Variants in EFHC1 observed in about 807,000 individuals in gnomAD.
EFHC1 encodes the protein EF-hand domain-containing protein 1.
A neutral mutation model predicts 69.9 loss-of-function variants in EFHC1; 53 were observed. That is an observed-to-expected ratio of 0.76 (90% CI 0.61 to 0.95). The LOEUF is 0.95. Among genes scored for constraint, EFHC1 ranks in the 40% least tolerant of loss-of-function variants. The pLI, the probability that EFHC1 is intolerant of heterozygous loss-of-function variation, is 0.00. For missense variants in EFHC1, 739 were observed against 798.7 expected (o/e 0.93, Z 0.90); for synonymous variants, 256 against 278.4 (o/e 0.92, Z 0.80).
chr6:52,492,234 G>T (rs1301699000), intron 10 of EFHC1, 36 bp from the exon 11 acceptor site: 2 of 1,596,422 alleles, frequency 1.3e-6, no homozygotes, highest in Non-Finnish European at 1.7e-6. Flanking sequence ...AAGCCCTGCA[G>T]ATCTGTCTCA....
At chr6:52,476,338 T>C (rs965107860) in intron 7 of EFHC1, among the ~76,000 whole-genome samples, 13 of 152,184 alleles carry the variant, frequency 8.5e-5, no homozygotes, top group African/African-American at 3.1e-4. Flanking sequence ...AGTTAATTAA[T>C]GTAAAAGAAA....
At chr6:52,442,252 C>T (rs1445221715) in intron 3 of EFHC1, among the ~76,000 whole-genome samples, 1 of 151,966 alleles carries the variant, frequency 6.6e-6, no homozygotes, top group Non-Finnish European at 1.5e-5. Context: ...ATAGATGGCT[C>T]TGATTATTTT....
chr6:52,471,534 G>T (rs1287278808), intron 7 of EFHC1, among the ~76,000 whole-genome samples: 2 of 152,130 alleles, frequency 1.3e-5, no homozygotes, highest in Non-Finnish European at 2.9e-5. Context: ...AGAGACAATA[G>T]AATATACTTA....
intron 5 of EFHC1, among the ~76,000 whole-genome samples, chr6:52,460,062 A>G (rs1581834982): frequency 6.6e-6 from 1 of 150,594 alleles, no homozygotes; most frequent in Non-Finnish European, 1.5e-5. Context: ...AAAGGAAAAC[A>G]TATGTCCACA....
At chr6:52,429,464 TTA>T (rs1431954734) in intron 2 of EFHC1, among the ~76,000 whole-genome samples, 1 of 152,090 alleles carries the variant, frequency 6.6e-6, no homozygotes, top group Non-Finnish European at 1.5e-5. Flanking sequence ...TTTCCTCACT[TTA>T]TGTTTTTGTT....
At chr6:52,467,139 T>C (rs1462635207) in intron 6 of EFHC1, among the ~76,000 whole-genome samples, 2 of 151,968 alleles carry the variant, frequency 1.3e-5, no homozygotes, top group African/African-American at 4.8e-5. Flanking sequence ...TAGTGAGAGA[T>C]TACAACATAG....
intron 6 of EFHC1, among the ~76,000 whole-genome samples, 178 bp downstream of exon 6, chr6:52,465,293 A>ACT (rs1319053869): frequency 7.9e-5 from 12 of 152,200 alleles, no homozygotes; most frequent in African/African-American, 2.9e-4. Context: ...CCTCAATCTA[A>ACT]CTGATAATCA....
At chr6:52,455,172 C>T (rs1242633563) in intron 5 of EFHC1, among the ~76,000 whole-genome samples, 2 of 152,108 alleles carry the variant, frequency 1.3e-5, no homozygotes, top group Non-Finnish European at 2.9e-5. Context: ...TTCACTGTTT[C>T]CTGGGATGAG....
intron 2 of EFHC1, 79 bp downstream of exon 2, chr6:52,424,246 C>A: frequency 7.4e-7 from 1 of 1,359,322 alleles, no homozygotes; most frequent in Non-Finnish European, 1.0e-6. Context: ...AAACAGTAAA[C>A]CACAGAATTT....
At chr6:52,438,192 T>C in intron 2 of EFHC1, 112 bp from the exon 3 acceptor site, 1 of 996,878 alleles carries the variant, frequency 1.0e-6, no homozygotes, top group South Asian at 1.4e-5. Context: ...ATAGAAGTGA[T>C]GAGTGTTAAA....
intron 3 of EFHC1, among the ~76,000 whole-genome samples, chr6:52,448,059 TCA>T (rs1207956843): frequency 6.6e-6 from 1 of 152,216 alleles, no homozygotes; most frequent in Admixed American, 6.5e-5. Flanking sequence ...TTCTCAGATC[TCA>T]AACTTCGTGC....
At chr6:52,487,357 T>C (rs1765807328) in intron 9 of EFHC1, 1 of 152,206 alleles carries the variant, frequency 6.6e-6, no homozygotes, top group African/African-American at 2.4e-5. Flanking sequence ...TAAAGCCTAT[T>C]GTGTGTGTCT....
intron 5 of EFHC1, among the ~76,000 whole-genome samples, chr6:52,457,839 A>G (rs1176097513): frequency 6.6e-6 from 1 of 152,224 alleles, no homozygotes; most frequent in East Asian, 1.9e-4. Flanking sequence ...TGTTCCAGAA[A>G]GTTGAATGTA....
At chr6:52,444,486 G>GT (rs1764735792) in intron 3 of EFHC1, among the ~76,000 whole-genome samples, 1 of 152,078 alleles carries the variant, frequency 6.6e-6, no homozygotes, top group Admixed American at 6.6e-5. Flanking sequence ...TTATTGAGAG[G>GT]TTTTAGCATG....
intron 1 of EFHC1, chr6:52,423,657 ATTTTTTTTTTT>A (rs59383268): frequency 6.5e-5 from 17 of 263,444 alleles, no homozygotes; most frequent in Admixed American, 5.4e-4. Context: ...CACCCAGCTA[ATTTTTTTTTTT>A]TTTTTTTTTT....
At chr6:52,491,645 C>T (rs1000063478) in intron 10 of EFHC1, among the ~76,000 whole-genome samples, 27 of 152,186 alleles carry the variant, frequency 1.8e-4, no homozygotes, top group Non-Finnish European at 1.5e-5. Flanking sequence ...CTACTTGAGA[C>T]CGTCATTACG....
At chr6:52,446,951 A>C (rs1581825213) in intron 3 of EFHC1, among the ~76,000 whole-genome samples, 1 of 152,140 alleles carries the variant, frequency 6.6e-6, no homozygotes, top group Non-Finnish European at 1.5e-5. Flanking sequence ...GAATGGCTTC[A>C]CTTTGTGGGT....
intron 5 of EFHC1, among the ~76,000 whole-genome samples, chr6:52,462,996 GT>G (rs1442174508): frequency 3.3e-5 from 5 of 150,840 alleles, no homozygotes; most frequent in Admixed American, 1.3e-4. Flanking sequence ...AATGAGTAAA[GT>G]TTTTTTTGTT....
chr6:52,466,551 A>G (rs1316827191), intron 6 of EFHC1, among the ~76,000 whole-genome samples: 2 of 152,106 alleles, frequency 1.3e-5, no homozygotes, highest in East Asian at 1.9e-4. Context: ...CTTCTCTATT[A>G]TATTAAATTA....
Sources: gnomAD v4.1 joint callset for allele counts (sites outside exome capture counted in the v4.1 genomes callset) on GRCh38, gnomAD v4.1.1 for gene constraint, MANE v1.5 for transcripts, NCBI Gene and HGNC (gene_info 2026-07-23, HGNC 2026-07-21) for gene names.